TJP1: variants seen among roughly 807,000 people sequenced by gnomAD.
TJP1 encodes the protein tight junction protein ZO-1.
In TJP1, 43 loss-of-function variants were observed where a neutral mutation model predicts 194.2. The ratio of observed to expected loss-of-function variants is 0.22; its 90% CI spans 0.17 to 0.29. TJP1 has a LOEUF of 0.29. TJP1 is among the 10% of genes least tolerant of loss of function. The probability of loss-of-function intolerance (pLI) is 1.00; values close to 1 mark genes in which losing one functional copy is unlikely to be tolerated. For synonymous variants in TJP1, 801 were observed against 779.0 expected (o/e 1.03, Z -0.47); for missense variants, 1,971 against 2,185.7 (o/e 0.90, Z 1.96).
chr15:29,822,557 C>A, upstream of TJP1: 4 of 343,716 alleles, frequency 1.2e-5, no homozygotes, highest in Non-Finnish European at 1.6e-5. Flanking sequence ...GGGGAGGGGG[C>A]GGGGCCGCGG....
In TJP1 at chr15:29,719,996, T is replaced by C. The variant is rs544880302; in HGVS notation, c.2784A>G (p.Pro928=). ...ASQQKAEASS[P]VPYLSPETNP... ...TTGTTTCAGGCGAAAGGTAAGGGAC[T>C]GGAGATGAAGCTTCTGCTTTCTGTG... The change falls in exon 20 of 28, where the codon CCA becomes CCG. Residue 928 remains proline (P), a synonymous_variant. Coordinates refer to ENST00000614355, the MANE Select transcript of TJP1 (RefSeq NM_001330239.4). 1.9e-6 allele frequency: 3 copies of C among 1,610,950 alleles called. No individual in the cohort carries two copies. Among genetic ancestry groups the C allele is most frequent in the South Asian group, 1.1e-5 (1 of 90,256 alleles).
chr15:29,770,121 G>C (rs1012887537), intron 4 of TJP1, among the ~76,000 whole-genome samples: 1 of 152,054 alleles, frequency 6.6e-6, no homozygotes, highest in Non-Finnish European at 1.5e-5. Flanking sequence ...TTGTGTCTTA[G>C]TTTTTACTAA....
upstream of TJP1, among the ~76,000 whole-genome samples, chr15:29,826,732 A>AC (rs897764512): frequency 6.6e-6 from 1 of 152,092 alleles, no homozygotes; most frequent in African/African-American, 2.4e-5. Context: ...CCCATCTTAA[A>AC]CACAGTCAGG....
At chr15:29,745,423 G>C (rs984166893) in intron 8 of TJP1, among the ~76,000 whole-genome samples, 1 of 151,498 alleles carries the variant, frequency 6.6e-6, no homozygotes, top group Non-Finnish European at 1.5e-5. Context: ...GGAAATGAAA[G>C]GGAAAAAATA....
intron 18 of TJP1, among the ~76,000 whole-genome samples, chr15:29,724,193 C>T (rs1294804649): frequency 6.6e-6 from 1 of 152,172 alleles, no homozygotes; most frequent in African/African-American, 2.4e-5. Context: ...CACTGCCTTC[C>T]TGATAAGAAA....
At chr15:29,899,807 C>T (rs901564257) in intron 2 of TJP1, among the ~76,000 whole-genome samples, 1 of 152,180 alleles carries the variant, frequency 6.6e-6, no homozygotes, top group Non-Finnish European at 1.5e-5. Context: ...CACACTAACA[C>T]AAAATAGTTG....
chr15:29,829,151 T>A (rs1434514312), intron 2 of TJP1, among the ~76,000 whole-genome samples: 1 of 152,208 alleles, frequency 6.6e-6, no homozygotes, highest in Non-Finnish European at 1.5e-5. Flanking sequence ...GCAAAGATAG[T>A]ACAGAGAGTT....
At chr15:29,777,889 CT>C (rs1448143975) in intron 2 of TJP1, among the ~76,000 whole-genome samples, 1 of 152,048 alleles carries the variant, frequency 6.6e-6, no homozygotes, top group Non-Finnish European at 1.5e-5. Context: ...TATCCTTTCC[CT>C]TTTTTTCTCC....
chr15:29,705,308 T>A (rs2041822079), intron 26 of TJP1, among the ~76,000 whole-genome samples: 1 of 152,242 alleles, frequency 6.6e-6, no homozygotes, highest in South Asian at 2.1e-4. Flanking sequence ...CATCATTTTT[T>A]ATTTCACACC....
intron 2 of TJP1, among the ~76,000 whole-genome samples, chr15:29,882,220 G>C (rs1253984888): frequency 2.0e-5 from 3 of 152,062 alleles, no homozygotes; most frequent in Non-Finnish European, 4.4e-5. Flanking sequence ...TACCCCACTA[G>C]CAAGGACCTG....
rs758865791 is a variant in TJP1 at position 29,727,028 on chromosome 15, G to T, written c.2101-37C>A. On this transcript the variant is annotated intron_variant, in intron 16 of 27. Transcript: ENST00000614355. ...AAGAAAAATATATACAAAGACACAA[G>T]ACATCATTAATTAAGAATCACCAAA... The T allele has an allele frequency of 3.8e-6, 6 of 1,575,860 alleles. No individual in the cohort carries two copies. The Admixed American group carries it at 1.0e-4, about 27-fold the overall frequency.
rs771171699 is a variant in TJP1 at position 29,718,969 on chromosome 15, G to T, written c.3173C>A (p.Thr1058Lys). The T allele has an allele frequency of 6.2e-7, 1 of 1,614,186 alleles. No individual in the cohort carries two copies. The highest frequency in any genetic ancestry group is 8.5e-7 in the Non-Finnish European group (1 of 1,180,038). ...ATAGCTTGAGGACTCGTATCTGTATGTGGGCTGCTCGAGGTCTCTGCTGGC... is the reference window on the plus strand; with the variant it reads ...ATAGCTTGAGGACTCGTATCTGTATTTGGGCTGCTCGAGGTCTCTGCTGGC... The part of the protein sequence containing the change: ...KQASRDLEQP[T>K]YRYESSSYTD... Residue 1058 changes from threonine (T) to lysine (K), a missense_variant, in exon 21 of 28, where the codon ACA (threonine) becomes AAA (lysine). Around this residue, in one of 5 missense-constraint regions of TJP1, gnomAD observed 1,108 missense variants for 1,128.5 expected, o/e 0.98. Transcript: ENST00000614355.
chr15:29,863,239 T>C (rs1463650895), intron 2 of TJP1, among the ~76,000 whole-genome samples: 1 of 151,982 alleles, frequency 6.6e-6, no homozygotes, highest in African/African-American at 2.4e-5. Flanking sequence ...GATGTTGCAG[T>C]GAGCCCAGAC....
chr15:29,768,075 A>G (rs1201379245), intron 4 of TJP1, among the ~76,000 whole-genome samples: 2 of 152,050 alleles, frequency 1.3e-5, no homozygotes, highest in African/African-American at 4.8e-5. Flanking sequence ...CTATGTGCCT[A>G]AACTTCTTCA....
chr15:29,847,991 T>A (rs994519615), intron 2 of TJP1, among the ~76,000 whole-genome samples: 1 of 152,200 alleles, frequency 6.6e-6, no homozygotes, highest in Admixed American at 6.5e-5. Context: ...AGTGTTGTTT[T>A]ATTTCCACGT....
chr15:29,808,918 C>T (rs1430454068), intron 1 of TJP1, among the ~76,000 whole-genome samples: 1 of 152,088 alleles, frequency 6.6e-6, no homozygotes, highest in African/African-American at 2.4e-5. Flanking sequence ...ACTGTAAAAA[C>T]AAACAAAAAA....
chr15:29,755,134 T>C (rs2045563678), intron 8 of TJP1, among the ~76,000 whole-genome samples: 1 of 152,206 alleles, frequency 6.6e-6, no homozygotes, highest in South Asian at 2.1e-4. Context: ...TGCTAACTGC[T>C]GTTTCAACTG....
At chr15:29,705,847 T>C (rs1295978152) in intron 25 of TJP1, 102 bp from the exon 26 acceptor site, 1 of 984,706 alleles carries the variant, frequency 1.0e-6, no homozygotes, top group African/African-American at 1.6e-5. Context: ...TTTCTCCATA[T>C]AATCAAGAAG....
chr15:29,805,763 A>G (rs2049072286), intron 1 of TJP1, among the ~76,000 whole-genome samples: 1 of 152,198 alleles, frequency 6.6e-6, no homozygotes, highest in Admixed American at 6.5e-5. Context: ...AAGAGCTGTT[A>G]TGGAAGATGC....
Sources: gnomAD v4.1 joint callset for allele counts (sites outside exome capture counted in the v4.1 genomes callset) on GRCh38, gnomAD v4.1.1 for gene constraint, gnomAD v4.1.1 regional missense constraint, MANE v1.5 for transcripts, NCBI Gene and HGNC (gene_info 2026-07-23, HGNC 2026-07-21) for gene names.